The following RGS20 variants were observed in gnomAD, a reference collection of about 807,000 sequenced individuals.
RGS20 encodes the protein regulator of G protein signaling 20, also known as gz-selective GTPase-activating protein.
Under a neutral mutation model 33.6 loss-of-function variants are expected in RGS20, and 30 were observed. The observed-to-expected ratio is 0.89, with a 90% CI of 0.67 to 1.21. The LOEUF is 1.21. RGS20 is among the 50% of genes most tolerant of loss of function. RGS20 has a pLI of 0.00. For synonymous variants in RGS20, 208 were observed against 197.9 expected (o/e 1.05, Z -0.43); for missense variants, 472 against 502.4 (o/e 0.94, Z 0.58).
intron 1 of RGS20, among the ~76,000 whole-genome samples, chr8:53,856,176 T>C (rs1811665613): frequency 6.6e-6 from 1 of 152,036 alleles, no homozygotes; most frequent in Non-Finnish European, 1.5e-5. Context: ...GCACATACAC[T>C]CACACACTTG....
chr8:53,887,126 C>T (rs1445450896), intron 2 of RGS20: 6 of 164,350 alleles, frequency 3.7e-5, no homozygotes, highest in Non-Finnish European at 6.7e-5. Context: ...GCACTCCCAG[C>T]GAAGGCCACT....
At chr8:53,952,246 T>TC (rs917305758) in intron 4 of RGS20, among the ~76,000 whole-genome samples, 19 of 115,936 alleles carry the variant, frequency 1.6e-4, no homozygotes, top group Non-Finnish European at 2.5e-4. Flanking sequence ...CCCAGCTAAT[T>TC]TTTTTTTTTT....
chr8:53,949,048 A>G (rs1380382663), intron 4 of RGS20, among the ~76,000 whole-genome samples: 1 of 66,162 alleles, frequency 1.5e-5, no homozygotes, highest in East Asian at 3.3e-4. Context: ...TATATGCTAT[A>G]TAAGATACAG....
At chr8:53,951,611 AAC>A (rs1328850415) in intron 4 of RGS20, among the ~76,000 whole-genome samples, 1 of 152,232 alleles carries the variant, frequency 6.6e-6, no homozygotes, top group Non-Finnish European at 1.5e-5. Flanking sequence ...AGCAAACATG[AAC>A]AGTTATGATA....
intron 1 of RGS20, among the ~76,000 whole-genome samples, chr8:53,878,903 C>G (rs999840484): frequency 6.6e-6 from 1 of 152,218 alleles, no homozygotes; most frequent in Admixed American, 6.5e-5. Flanking sequence ...GATGTGAACA[C>G]AGACCCTTCT....
intron 3 of RGS20, among the ~76,000 whole-genome samples, chr8:53,944,092 G>T (rs1454111576): frequency 6.6e-6 from 1 of 151,230 alleles, no homozygotes; most frequent in Admixed American, 6.6e-5. Context: ...GTTAAGAAAA[G>T]ATATAATAAA....
chr8:53,926,068 G>A (rs1176175527), intron 2 of RGS20, among the ~76,000 whole-genome samples: 1 of 152,088 alleles, frequency 6.6e-6, no homozygotes, highest in Non-Finnish European at 1.5e-5. Flanking sequence ...TAATTAGCTG[G>A]GTATGGTGGC....
chr8:53,893,397 G>A (rs963646887), intron 2 of RGS20, among the ~76,000 whole-genome samples: 11 of 152,156 alleles, frequency 7.2e-5, no homozygotes, highest in Non-Finnish European at 1.3e-4. Flanking sequence ...ACCTGGAGGC[G>A]GAGTAGCAGG....
At chr8:53,948,277 A>G (rs1814592463) in intron 4 of RGS20, among the ~76,000 whole-genome samples, 1 of 139,902 alleles carries the variant, frequency 7.1e-6, no homozygotes, top group African/African-American at 2.6e-5. Flanking sequence ...AAGTTATAGT[A>G]TATATATTTA....
At chr8:53,911,759 T>A (rs1212600697) in intron 2 of RGS20, among the ~76,000 whole-genome samples, 1 of 151,984 alleles carries the variant, frequency 6.6e-6, no homozygotes, top group Non-Finnish European at 1.5e-5. Flanking sequence ...CATAACATGG[T>A]GAAACCCCAT....
chr8:53,958,338 C>T lies in RGS20; in HGVS notation c.1047C>T (p.Phe349=), dbSNP rs777467088. ...TGGTGGAGCCATCCCAACACATATT[C>T]GATGATGCTCAACTTCAGATTTACA... Residue 349 remains phenylalanine, a synonymous_variant, in exon 6 of 6, where the codon TTC becomes TTT. Transcript: ENST00000297313. 5.0e-6 allele frequency: 8 copies of T among 1,613,618 alleles called. No individual in the cohort carries two copies. Among genetic ancestry groups the T allele is most frequent in the African/African-American group, 1.3e-5 (1 of 74,832 alleles).
intron 1 of RGS20, among the ~76,000 whole-genome samples, chr8:53,864,991 A>C (rs1383825952): frequency 2.6e-5 from 4 of 152,230 alleles, no homozygotes; most frequent in African/African-American, 9.6e-5. Flanking sequence ...ATGCCCGCTA[A>C]CAAGTTCTCC....
chr8:53,881,024 G>A (rs533825043), intron 2 of RGS20: 172 of 1,589,474 alleles, frequency 1.1e-4, no homozygotes, highest in Middle Eastern at 1.8e-4. Context: ...GCATGCGCAC[G>A]GCGGACGGAG....
chr8:53,937,331 A>G (rs1814164910), intron 2 of RGS20, among the ~76,000 whole-genome samples: 1 of 151,606 alleles, frequency 6.6e-6, no homozygotes, highest in Non-Finnish European at 1.5e-5. Context: ...ATAAAATAAA[A>G]AAAGAAAACT....
At chr8:53,874,128 C>A (rs981683220) in intron 1 of RGS20, among the ~76,000 whole-genome samples, 1 of 151,870 alleles carries the variant, frequency 6.6e-6, no homozygotes, top group Non-Finnish European at 1.5e-5. Context: ...TGAAGCCAGG[C>A]GGTAGAGGCT....
chr8:53,892,410 T>C (rs1273663088), intron 2 of RGS20, among the ~76,000 whole-genome samples: 2 of 152,222 alleles, frequency 1.3e-5, no homozygotes, highest in Admixed American at 6.5e-5. Context: ...GTAAACTAGT[T>C]CAACCATTGT....
rs201019375 is a variant in RGS20 at position 53,851,956 on chromosome 8, G to A, written c.57G>A (p.Pro19=). The change falls in exon 1 of 6, where the codon CCG becomes CCA. Residue 19 remains proline, a synonymous_variant. Transcript: ENST00000297313. The stretch of plus-strand genomic sequence containing the variant: ...GCCTCCAGAAACATTTCTCCAGGCC[G>A]TCTATATGGACACAGTTTCTGCCCC... 4.3e-5 allele frequency: 69 copies of A among 1,614,140 alleles called. No homozygotes were observed. Among genetic ancestry groups the A allele is most frequent in the Middle Eastern group, 3.3e-4 (2 of 6,062 alleles).
At position 53,879,156 on chromosome 8, in the gene RGS20, C is replaced by T. The variant is rs1238326100; in HGVS notation, c.166-102C>T. Reference sequence around the variant, plus strand: ...TGCTTTCACCGACCTTCTCTTGCACCCCCAAAGTAACGCTTCAAAATTCTG... The same window carrying T: ...TGCTTTCACCGACCTTCTCTTGCACTCCCAAAGTAACGCTTCAAAATTCTG... On this transcript the variant is annotated intron_variant, in intron 1 of 5. Coordinates refer to ENST00000297313, the MANE Select transcript of RGS20 (RefSeq NM_170587.4). The T allele has an allele frequency of 4.3e-6, 4 of 924,670 alleles. No individual in the cohort carries two copies. In the African/African-American group the frequency reaches 5.0e-5, roughly 12 times the overall value. 57.3% of individuals were successfully genotyped at this position (924,670 alleles called of 1,614,324 possible). A position where few individuals can be genotyped will look rare whatever the true frequency, so the allele number is the denominator to read the frequency against.
At chr8:53,871,205 TGG>T (rs1444339026) in intron 1 of RGS20, among the ~76,000 whole-genome samples, 1 of 149,522 alleles carries the variant, frequency 6.7e-6, no homozygotes, top group Non-Finnish European at 1.5e-5. Context: ...ATCCAGCAAA[TGG>T]TTCCCTTTCA....
Sources: allele counts gnomAD v4.1 joint callset (sites outside exome capture counted in the v4.1 genomes callset), GRCh38; gene constraint gnomAD v4.1.1; transcripts MANE v1.5; gene names NCBI Gene and HGNC (gene_info 2026-07-23, HGNC 2026-07-21).